The following C4BPA variants were observed in gnomAD, a reference collection of about 807,000 sequenced individuals.
C4BPA encodes the protein complement component 4 binding protein alpha.
Under a neutral mutation model 63.7 loss-of-function variants are expected in C4BPA, and 31 were observed. The observed-to-expected ratio is 0.49, with a 90% CI of 0.37 to 0.66. The LOEUF (loss-of-function observed/expected upper bound fraction) is 0.66. C4BPA is among the 30% of genes least tolerant of loss of function. The pLI is 0.00. For synonymous variants in C4BPA, 259 were observed against 254.7 expected (o/e 1.02, Z -0.16); for missense variants, 572 against 723.3 (o/e 0.79, Z 2.40).
At position 207,113,385 on chromosome 1, in the gene C4BPA, A is replaced by G. The variant is rs193063576; in HGVS notation, c.142+218A>G. ...TCCCCTAGATTTTTATTTCTCCAGG[A>G]AAGAATTTCTCTCCCAACCATCTAT... On this transcript the variant is annotated intron_variant, in intron 2 of 11. Transcript: ENST00000367070. Among the ~76,000 whole-genome samples, 4 of 152,332 alleles carry G rather than the reference A, an allele frequency of 2.6e-5. No homozygotes were observed. The East Asian group carries it at 7.7e-4, about 29-fold the overall frequency.
intron 1 of C4BPA, among the ~76,000 whole-genome samples, chr1:207,108,167 CAG>C (rs1334978138): frequency 2.0e-5 from 3 of 152,004 alleles, no homozygotes; most frequent in Admixed American, 6.6e-5. Flanking sequence ...AGAAATCTAA[CAG>C]AGTCAAAAAG....
At chr1:207,106,498 G>A (rs1398797390) in intron 1 of C4BPA, among the ~76,000 whole-genome samples, 1 of 147,418 alleles carries the variant, frequency 6.8e-6, no homozygotes, top group Non-Finnish European at 1.5e-5. Flanking sequence ...GGAGTGCGGT[G>A]GTGCAATCTC....
Position 207,113,124 on chromosome 1 carries a change from C to T in C4BPA, c.99C>T (p.Leu33=). The T allele has an allele frequency of 1.2e-6, 2 of 1,611,410 alleles. No homozygotes were observed. Among genetic ancestry groups the T allele is most frequent in the Non-Finnish European group, 1.7e-6 (2 of 1,179,026 alleles). Residue 33 remains leucine (L), a synonymous_variant, in exon 2 of 12, where the codon CTC becomes CTT. Transcript: ENST00000367070. The part of the protein sequence containing the change: ...SRLWKVSDPI[L]FQMTLIAALL... ...TGTGGAAAGTCTCTGATCCAATTCT[C>T]TTCCAAATGACCTTGATCGCTGCTC...
At chr1:207,135,465 C>T (rs913032510) in intron 9 of C4BPA, among the ~76,000 whole-genome samples, 1 of 152,182 alleles carries the variant, frequency 6.6e-6, no homozygotes, top group Admixed American at 6.5e-5. Flanking sequence ...GCATTAGTTG[C>T]AGCTTATCCA....
chr1:207,144,090 C>A, intron 11 of C4BPA, 97 bp downstream of exon 11: 2 of 870,000 alleles, frequency 2.3e-6, no homozygotes, highest in South Asian at 2.2e-5. Context: ...TGAAATCTGA[C>A]TTGTCAGGAT....
At chr1:207,122,041 G>A (rs538289700) in intron 4 of C4BPA, among the ~76,000 whole-genome samples, 2 of 152,178 alleles carry the variant, frequency 1.3e-5, no homozygotes, top group South Asian at 4.2e-4. Context: ...TACTATTTCA[G>A]TGCTGTCTGA....
chr1:207,125,957 G>A (rs577583849), intron 6 of C4BPA, among the ~76,000 whole-genome samples: 9 of 152,164 alleles, frequency 5.9e-5, no homozygotes, highest in South Asian at 2.1e-4. Flanking sequence ...GATAGGGGGC[G>A]GCTTGTTTTC....
At chr1:207,111,911 A>G (rs1402988548) in intron 1 of C4BPA, among the ~76,000 whole-genome samples, 3 of 152,184 alleles carry the variant, frequency 2.0e-5, no homozygotes, top group Admixed American at 6.5e-5. Flanking sequence ...CTTTGAAGAC[A>G]AGGACTATTT....
intron 4 of C4BPA, among the ~76,000 whole-genome samples, chr1:207,117,423 C>A (rs1684821742): frequency 6.6e-6 from 1 of 152,134 alleles, no homozygotes; most frequent in South Asian, 2.1e-4. Context: ...TGCACTACAA[C>A]CTGGGTGACA....
intron 6 of C4BPA, among the ~76,000 whole-genome samples, chr1:207,124,787 G>A (rs556874491): frequency 3.3e-5 from 5 of 152,310 alleles, no homozygotes; most frequent in East Asian, 3.9e-4. Context: ...TTCAGTAGAC[G>A]AAGAGAGAAA....
intron 4 of C4BPA, among the ~76,000 whole-genome samples, chr1:207,120,087 C>T (rs2102337265): frequency 6.6e-6 from 1 of 152,186 alleles, no homozygotes; most frequent in South Asian, 2.1e-4. Flanking sequence ...TCATCTTTAC[C>T]ATCACTGTGC....
chr1:207,141,319 C>A, intron 10 of C4BPA, 43 bp downstream of exon 10: 1 of 1,542,684 alleles, frequency 6.5e-7, no homozygotes, highest in Non-Finnish European at 8.9e-7. Flanking sequence ...AGTGGGTGGA[C>A]GTGTCCTGAG....
chr1:207,124,920 T>C (rs1391747323), intron 6 of C4BPA, among the ~76,000 whole-genome samples: 2 of 152,190 alleles, frequency 1.3e-5, no homozygotes, highest in Non-Finnish European at 1.5e-5. Flanking sequence ...CCTTGGTCTG[T>C]TCAAGAAGCG....
chr1:207,122,811 G>T lies in C4BPA; in HGVS notation c.429-1111G>T, dbSNP rs537606002. Among the ~76,000 whole-genome samples the T allele has an allele frequency of 1.3e-3, 194 of 152,216 alleles. 1 individual carries two copies. The Middle Eastern group carries it at 0.024, about 19-fold the overall frequency. On this transcript the variant is annotated intron_variant, in intron 4 of 11. Transcript: ENST00000367070. Reference sequence around the variant, plus strand: ...CTGGTCTTGAACTCCTGGTCTCAAAGAATTCACCTGCCTCAGCGTCCCAAA... The same window carrying T: ...CTGGTCTTGAACTCCTGGTCTCAAATAATTCACCTGCCTCAGCGTCCCAAA...
intron 6 of C4BPA, among the ~76,000 whole-genome samples, chr1:207,126,193 GA>G (rs1685039353): frequency 6.6e-6 from 1 of 150,950 alleles, no homozygotes; most frequent in Admixed American, 6.6e-5. Context: ...CCAATGTAAT[GA>G]AAACTCATTT....
At position 207,144,539 on chromosome 1, in the gene C4BPA, T is replaced by C; in HGVS notation, c.1621-5T>C. The C allele has an allele frequency of 6.3e-7, 1 of 1,597,690 alleles. No homozygotes were observed. The highest frequency in any genetic ancestry group is 8.5e-7 in the Non-Finnish European group (1 of 1,173,560). On this transcript the variant is annotated splice_polypyrimidine_tract_variant and splice_region_variant and intron_variant, in intron 11 of 11. Transcript: ENST00000367070. ...TCAATCACACCCACCACTTATATCT[T>C]TTAGGAGACCCCCGAAGGCTGTGAA...
At position 207,123,905 on chromosome 1, in the gene C4BPA, T is replaced by G. The variant is rs1684972796; in HGVS notation, c.429-17T>G. ...GTAGGAGGAATTCCATTAAAATCTT[T>G]GATCTATCTTATTCAGATTTTTCTT... On this transcript the variant is annotated splice_polypyrimidine_tract_variant and intron_variant, in intron 4 of 11. Transcript: ENST00000367070. 1.3e-6 allele frequency: 2 copies of G among 1,491,252 alleles called. No individual in the cohort carries two copies. The highest frequency in any genetic ancestry group is 1.9e-6 in the Non-Finnish European group (2 of 1,073,204). The allele number at this position is 1,491,252 out of a possible 1,614,324, so 92.4% of individuals were successfully genotyped here.
At chr1:207,127,831 G>T (rs2102344793) in intron 7 of C4BPA, among the ~76,000 whole-genome samples, 1 of 152,314 alleles carries the variant, frequency 6.6e-6, no homozygotes, top group Middle Eastern at 3.4e-3. Flanking sequence ...CTACCTTGCG[G>T]GAGGATGTTT....
intron 1 of C4BPA, among the ~76,000 whole-genome samples, chr1:207,111,488 G>T (rs1427163425): frequency 6.6e-6 from 1 of 152,192 alleles, no homozygotes; most frequent in Non-Finnish European, 1.5e-5. Context: ...GGCTTCATCA[G>T]AACTAAGTTT....
Sources: allele counts gnomAD v4.1 joint callset (sites outside exome capture counted in the v4.1 genomes callset), GRCh38; gene constraint gnomAD v4.1.1; transcripts MANE v1.5; gene names NCBI Gene and HGNC (gene_info 2026-07-23, HGNC 2026-07-21).